SAMD12: variants seen among roughly 807,000 people sequenced by gnomAD.
SAMD12 encodes sterile alpha motif domain-containing protein 12.
In SAMD12, 9 loss-of-function variants were observed where a neutral mutation model predicts 15.0. The observed-to-expected ratio is 0.60, with a 90% CI of 0.36 to 1.05. The LOEUF (loss-of-function observed/expected upper bound fraction) is 1.05. SAMD12 is among the 50% of genes least tolerant of loss of function. The pLI is 0.01. For missense variants in SAMD12, 230 were observed against 234.2 expected (o/e 0.98, Z 0.12); for synonymous variants, 86 against 90.1 (o/e 0.96, Z 0.25).
intron 4 of SAMD12, among the ~76,000 whole-genome samples, chr8:118,282,536 G>T (rs990629435): frequency 6.6e-6 from 1 of 152,136 alleles, no homozygotes; most frequent in African/African-American, 2.4e-5. Context: ...TGTTGAAGTT[G>T]AAATTGCAAT....
intron 4 of SAMD12, among the ~76,000 whole-genome samples, chr8:118,323,873 C>T (rs1192896373): frequency 6.6e-6 from 1 of 152,032 alleles, no homozygotes; most frequent in East Asian, 1.9e-4. Context: ...TACTTGTTTG[C>T]ACAGGGGAAA....
chr8:118,159,822 C>A, the SAMD12 span, among the ~76,000 whole-genome samples: 1 of 151,238 alleles, frequency 6.6e-6, no homozygotes, highest in African/African-American at 2.4e-5. Flanking sequence ...TGGGTTCAAG[C>A]GATTCTCCTG....
chr8:118,612,237 T>C (rs1828129175), intron 1 of SAMD12, among the ~76,000 whole-genome samples: 1 of 152,188 alleles, frequency 6.6e-6, no homozygotes, highest in Non-Finnish European at 1.5e-5. Flanking sequence ...CTTGCCTAAT[T>C]TTCCCCCAAA....
chr8:118,187,953 T>A (rs574714121), downstream of SAMD12, among the ~76,000 whole-genome samples: 1 of 151,530 alleles, frequency 6.6e-6, no homozygotes, highest in Non-Finnish European at 1.5e-5. Context: ...TGTTGAGCAA[T>A]TATAATGTGC....
At chr8:118,238,719 C>G (rs1812491836) in intron 4 of SAMD12, among the ~76,000 whole-genome samples, 1 of 152,078 alleles carries the variant, frequency 6.6e-6, no homozygotes, top group Non-Finnish European at 1.5e-5. Flanking sequence ...TTTACAATAG[C>G]CTTATCAGTA....
chr8:118,484,897 C>T (rs1342962610), intron 2 of SAMD12, among the ~76,000 whole-genome samples: 1 of 152,122 alleles, frequency 6.6e-6, no homozygotes, highest in Non-Finnish European at 1.5e-5. Context: ...AATATTTGCT[C>T]TGGGCATTGA....
intron 2 of SAMD12, among the ~76,000 whole-genome samples, chr8:118,502,100 G>A (rs1371091321): frequency 3.3e-5 from 5 of 151,438 alleles, no homozygotes; most frequent in Non-Finnish European, 7.4e-5. Context: ...TTTCTAACAA[G>A]CTTCCAAACT....
At chr8:118,391,819 G>A (rs1820289569) in intron 3 of SAMD12, among the ~76,000 whole-genome samples, 1 of 151,978 alleles carries the variant, frequency 6.6e-6, no homozygotes, top group Admixed American at 6.6e-5. Context: ...CCTTCATGGA[G>A]CTTAAAAATT....
At chr8:118,406,364 C>T (rs1821129408) in intron 3 of SAMD12, among the ~76,000 whole-genome samples, 1 of 152,256 alleles carries the variant, frequency 6.6e-6, no homozygotes, top group African/African-American at 2.4e-5. Context: ...ACTTCTGCCT[C>T]CTGGGTTCAA....
chr8:118,589,197 C>T (rs979522385), intron 1 of SAMD12, among the ~76,000 whole-genome samples: 1 of 152,166 alleles, frequency 6.6e-6, no homozygotes, highest in East Asian at 1.9e-4. Flanking sequence ...ACCCACAAAA[C>T]TCGTGCTATT....
At chr8:118,242,594 C>A (rs1441922389) in intron 4 of SAMD12, among the ~76,000 whole-genome samples, 1 of 151,988 alleles carries the variant, frequency 6.6e-6, no homozygotes, top group African/African-American at 2.4e-5. Context: ...GAGGAACAAA[C>A]ATAGGGTTTG....
chr8:118,324,543 G>T (rs1816470489), intron 4 of SAMD12, among the ~76,000 whole-genome samples: 1 of 152,124 alleles, frequency 6.6e-6, no homozygotes, highest in South Asian at 2.1e-4. Context: ...GAACTATAAT[G>T]AATAAGACAC....
chr8:118,234,655 G>A (rs1449915270), intron 4 of SAMD12, among the ~76,000 whole-genome samples: 1 of 134,346 alleles, frequency 7.4e-6, no homozygotes, highest in Non-Finnish European at 1.5e-5. Context: ...AGGTTGCCGT[G>A]AGACAAGATC....
Position 118,399,046 on chromosome 8 carries a change from C to T in SAMD12, c.323-19346G>A, listed in dbSNP as rs1586665561. ...ATACAGGCACAGGCCACCACACCTG[C>T]TAATTTTTAAAGTTTTTAGTAGAGA... is the stretch of plus-strand genomic sequence containing the variant. On this transcript the variant is annotated intron_variant, in intron 3 of 3. Transcript: ENST00000314727. Among the ~76,000 whole-genome samples, 3 of 152,108 alleles carry T rather than the reference C, an allele frequency of 2.0e-5. No homozygotes were observed. In the South Asian group the frequency reaches 6.2e-4, roughly 32 times the overall value.
intron 2 of SAMD12, among the ~76,000 whole-genome samples, chr8:118,474,439 G>T (rs1396941274): frequency 6.6e-6 from 1 of 151,922 alleles, no homozygotes; most frequent in Non-Finnish European, 1.5e-5. Context: ...GGAGTGCAAT[G>T]GTGCGATCTC....
intron 4 of SAMD12, among the ~76,000 whole-genome samples, chr8:118,214,527 ATATATC>A (rs1182147589): frequency 6.6e-6 from 1 of 152,256 alleles, no homozygotes; most frequent in East Asian, 1.9e-4. Flanking sequence ...GCTTAAGGAA[ATATATC>A]TATATCTTCT....
chr8:118,520,687 G>A (rs1362096957), intron 2 of SAMD12, among the ~76,000 whole-genome samples: 1 of 152,168 alleles, frequency 6.6e-6, no homozygotes, highest in Non-Finnish European at 1.5e-5. Context: ...TCTTCTGGGA[G>A]ACTCATCAAT....
chr8:118,563,093 T>C (rs962504694), intron 2 of SAMD12, among the ~76,000 whole-genome samples: 5 of 152,168 alleles, frequency 3.3e-5, no homozygotes, highest in African/African-American at 9.7e-5. Context: ...ATTTTATAGA[T>C]AGACAAAATG....
chr8:118,616,034 A>G (rs1828230988), intron 1 of SAMD12, among the ~76,000 whole-genome samples: 3 of 152,242 alleles, frequency 2.0e-5, no homozygotes, highest in African/African-American at 4.8e-5. Flanking sequence ...AAAGTGATCA[A>G]TAGAAACTCT....
Sources: allele counts gnomAD v4.1 joint callset (sites outside exome capture counted in the v4.1 genomes callset), GRCh38; gene constraint gnomAD v4.1.1; transcripts MANE v1.5; gene names NCBI Gene and HGNC (gene_info 2026-07-23, HGNC 2026-07-21).